Variants in PPFIA2 observed in about 807,000 individuals in gnomAD.
PPFIA2 encodes PPFI scaffold protein A2, also known as liprin-alpha-2.
In PPFIA2, 46 loss-of-function variants were observed where a neutral mutation model predicts 175.5. That is an observed-to-expected ratio of 0.26 (90% confidence interval 0.21 to 0.34). PPFIA2 has a LOEUF of 0.34. Among genes scored for constraint, PPFIA2 ranks in the 10% least tolerant of loss-of-function variants. PPFIA2 has a pLI of 1.00. For missense variants in PPFIA2, 1,179 were observed against 1,506.1 expected (o/e 0.78, Z 3.60); for synonymous variants, 568 against 511.4 (o/e 1.11, Z -1.49).
intron 4 of PPFIA2, among the ~76,000 whole-genome samples, chr12:81,648,358 A>C (rs942040714): frequency 3.3e-5 from 5 of 152,082 alleles, no homozygotes; most frequent in Admixed American, 6.5e-5. Flanking sequence ...TATGTAAAAA[A>C]AGCTATTAGA....
Position 81,258,200 on chromosome 12 carries a change from T to G in PPFIA2, c.*1494A>C, listed in dbSNP as rs554571881. 7 of 152,244 alleles carry G rather than the reference T, an allele frequency of 4.6e-5. No homozygotes were observed. The South Asian group carries it at 1.4e-3, about 32-fold the overall frequency. 9.4% of individuals were successfully genotyped at this position (152,244 alleles called of 1,614,324 possible). On this transcript the variant is annotated 3_prime_UTR_variant, in exon 33 of 33. Transcript: ENST00000549396. ...ATATTTGGGTCACCCAAAGAACACA[T>G]TTCCTGATAGTTTAAGTAAATTGTC... is the stretch of plus-strand genomic sequence containing the variant.
At chr12:81,376,669 A>G (rs1170457397) in intron 9 of PPFIA2, among the ~76,000 whole-genome samples, 1 of 152,152 alleles carries the variant, frequency 6.6e-6, no homozygotes, top group Non-Finnish European at 1.5e-5. Context: ...GCTTACATGG[A>G]AATTTATTGG....
At chr12:81,335,404 C>A (rs1294512514) in intron 21 of PPFIA2, among the ~76,000 whole-genome samples, 3 of 151,998 alleles carry the variant, frequency 2.0e-5, no homozygotes, top group African/African-American at 7.2e-5. Context: ...GGATACAAAC[C>A]AAACCTGTTT....
chr12:81,504,433 A>G (rs1311247996), intron 4 of PPFIA2, among the ~76,000 whole-genome samples: 1 of 152,290 alleles, frequency 6.6e-6, no homozygotes, highest in African/African-American at 2.4e-5. Context: ...GCAAATCAAA[A>G]CCACAATGAG....
intron 3 of PPFIA2, among the ~76,000 whole-genome samples, chr12:81,709,118 G>T (rs2077564496): frequency 6.6e-6 from 1 of 151,894 alleles, no homozygotes; most frequent in Non-Finnish European, 1.5e-5. Flanking sequence ...TATTGTTCAG[G>T]TTCCTCACAT....
intron 4 of PPFIA2, among the ~76,000 whole-genome samples, chr12:81,473,256 A>C (rs982510336): frequency 1.3e-5 from 2 of 152,068 alleles, no homozygotes; most frequent in African/African-American, 4.8e-5. Flanking sequence ...AAAAATACAA[A>C]AATTAGCTGG....
intron 4 of PPFIA2, among the ~76,000 whole-genome samples, chr12:81,579,035 A>C (rs917702349): frequency 2.0e-5 from 3 of 151,972 alleles, no homozygotes; most frequent in Middle Eastern, 3.4e-3. Flanking sequence ...TTTTCTTCTA[A>C]GTGAAGCTAA....
At chr12:81,511,713 A>G (rs1484058364) in intron 4 of PPFIA2, among the ~76,000 whole-genome samples, 1 of 152,080 alleles carries the variant, frequency 6.6e-6, no homozygotes, top group Non-Finnish European at 1.5e-5. Context: ...AGAAAGTTAA[A>G]TGATGAATGA....
chr12:81,372,513 GAAAAAA>G (rs3075257), intron 11 of PPFIA2, among the ~76,000 whole-genome samples: 1 of 93,632 alleles, frequency 1.1e-5, no homozygotes. Flanking sequence ...AATTGAAACA[GAAAAAA>G]AAAAAAAAAA....
At chr12:81,379,437 A>T (rs1163156580) in intron 9 of PPFIA2, among the ~76,000 whole-genome samples, 1 of 152,180 alleles carries the variant, frequency 6.6e-6, no homozygotes, top group Admixed American at 6.6e-5. Context: ...AATTCATTTA[A>T]TCACATAGTG....
chr12:81,730,393 A>G (rs563702919), intron 3 of PPFIA2, among the ~76,000 whole-genome samples: 9 of 151,760 alleles, frequency 5.9e-5, no homozygotes, highest in Non-Finnish European at 1.3e-4. Flanking sequence ...GAAATTTACT[A>G]TCATGGCGGA....
At chr12:81,638,365 G>C (rs2064396288) in intron 4 of PPFIA2, among the ~76,000 whole-genome samples, 1 of 151,892 alleles carries the variant, frequency 6.6e-6, no homozygotes, top group African/African-American at 2.4e-5. Context: ...AAGTAAAGTG[G>C]ATCTAGAGCT....
chr12:81,598,093 C>T lies in PPFIA2; in HGVS notation c.303+78698G>A, dbSNP rs912480655. On this transcript the variant is annotated intron_variant, in intron 4 of 32. Coordinates refer to ENST00000549396, the MANE Select transcript of PPFIA2 (RefSeq NM_003625.5). ...TACAGATGCAGAGCAGAGAGCTTAG[C>T]GTACAGATAAATCCGTGCATGCATT... 37 of 1,532,016 alleles carry T rather than the reference C, an allele frequency of 2.4e-5. No homozygotes were observed. The East Asian group carries it at 7.1e-4, about 29-fold the overall frequency. 94.9% of individuals were successfully genotyped at this position (1,532,016 alleles called of 1,614,324 possible).
chr12:81,682,141 T>C lies in PPFIA2; in HGVS notation c.250-5297A>G, dbSNP rs182305061. Among the ~76,000 whole-genome samples the C allele has an allele frequency of 2.6e-5, 4 of 152,178 alleles. No homozygotes were observed. In the East Asian group the frequency reaches 7.8e-4, roughly 29 times the overall value. On this transcript the variant is annotated intron_variant, in intron 3 of 32. Coordinates refer to ENST00000549396, the MANE Select transcript of PPFIA2 (RefSeq NM_003625.5). ...AACCCTCAGTACCTAAGAATGTAAC[T>C]GTGTTTGAATGTAAGGTCTTTAATG... is the stretch of plus-strand genomic sequence containing the variant.
At chr12:81,627,316 T>C (rs952416197) in intron 4 of PPFIA2, among the ~76,000 whole-genome samples, 1 of 152,134 alleles carries the variant, frequency 6.6e-6, no homozygotes, top group Non-Finnish European at 1.5e-5. Flanking sequence ...AAATAAATGA[T>C]AAATGTTTGA....
intron 8 of PPFIA2, among the ~76,000 whole-genome samples, chr12:81,397,294 T>C (rs1460436601): frequency 6.6e-6 from 1 of 151,916 alleles, no homozygotes; most frequent in Non-Finnish European, 1.5e-5. Context: ...AACTGGGAGT[T>C]GTCATGCCAA....
chr12:81,329,999 T>A (rs1050713448), intron 21 of PPFIA2, among the ~76,000 whole-genome samples: 2 of 152,178 alleles, frequency 1.3e-5, no homozygotes, highest in Admixed American at 6.5e-5. Flanking sequence ...GGCTCAGGGC[T>A]CAGGGCACAG....
At chr12:81,493,302 A>G (rs767877224) in intron 4 of PPFIA2, among the ~76,000 whole-genome samples, 13 of 152,016 alleles carry the variant, frequency 8.6e-5, no homozygotes, top group Non-Finnish European at 1.8e-4. Context: ...AAGGTATGAG[A>G]TAGACTTAAT....
intron 4 of PPFIA2, among the ~76,000 whole-genome samples, chr12:81,581,699 T>C (rs990701601): frequency 6.7e-6 from 1 of 148,708 alleles, no homozygotes; most frequent in Non-Finnish European, 1.5e-5. Context: ...TTGTACATAA[T>C]AGTCACGTGA....
Sources: allele counts gnomAD v4.1 joint callset (sites outside exome capture counted in the v4.1 genomes callset), GRCh38; gene constraint gnomAD v4.1.1; transcripts MANE v1.5; gene names NCBI Gene and HGNC (gene_info 2026-07-23, HGNC 2026-07-21).